Variants in WASF2 observed in about 807,000 individuals in gnomAD.
WASF2 encodes actin-binding protein WASF2.
Under a neutral mutation model 45.0 loss-of-function variants are expected in WASF2, and 14 were observed. The observed-to-expected ratio is 0.31, with a 90% confidence interval of 0.21 to 0.49. WASF2 has a LOEUF of 0.49. Ranked by LOEUF, WASF2 falls within the 20% of genes least tolerant of loss-of-function variation. WASF2 has a pLI of 0.99. For missense variants in WASF2, 439 were observed against 636.1 expected (o/e 0.69, Z 3.33); for synonymous variants, 200 against 236.3 (o/e 0.85, Z 1.41).
chr1:27,469,738 T>TA (rs1460181001), intron 1 of WASF2, among the ~76,000 whole-genome samples: 2 of 152,230 alleles, frequency 1.3e-5, no homozygotes, highest in Non-Finnish European at 1.5e-5. Context: ...GGTCAGGAAT[T>TA]AGAGACCAGC....
At chr1:27,438,729 GACCTAGCAATC>G (rs1268667323) in intron 1 of WASF2, among the ~76,000 whole-genome samples, 1 of 152,244 alleles carries the variant, frequency 6.6e-6, no homozygotes, top group Non-Finnish European at 1.5e-5. Flanking sequence ...TGAGGAGAGA[GACCTAGCAATC>G]ACAACTACAT....
chr1:27,432,563 G>A (rs2017080156), intron 1 of WASF2, among the ~76,000 whole-genome samples: 1 of 143,812 alleles, frequency 7.0e-6, no homozygotes, highest in African/African-American at 2.5e-5. Context: ...CAGGAGAATG[G>A]TGTGAACCTG....
At chr1:27,440,459 C>CT (rs1419672866) in intron 1 of WASF2, among the ~76,000 whole-genome samples, 2 of 151,626 alleles carry the variant, frequency 1.3e-5, no homozygotes, top group Non-Finnish European at 2.9e-5. Flanking sequence ...GAGGTCGAGG[C>CT]TGCAGTGAGC....
At chr1:27,433,281 A>T (rs2017091169) in intron 1 of WASF2, among the ~76,000 whole-genome samples, 1 of 152,170 alleles carries the variant, frequency 6.6e-6, no homozygotes, top group South Asian at 2.1e-4. Flanking sequence ...CATCTGAACC[A>T]CAGAACAAAA....
chr1:27,463,783 C>A (rs1455212849), intron 1 of WASF2, among the ~76,000 whole-genome samples: 1 of 150,618 alleles, frequency 6.6e-6, no homozygotes, highest in Non-Finnish European at 1.5e-5. Flanking sequence ...ATTAACATGC[C>A]TCCTTTATAT....
intron 2 of WASF2, among the ~76,000 whole-genome samples, chr1:27,422,404 G>C (rs1283406223): frequency 6.6e-6 from 1 of 151,826 alleles, no homozygotes; most frequent in Admixed American, 6.6e-5. Context: ...CGGATCACGA[G>C]GTCAGGAGAT....
At chr1:27,454,153 G>GTA (rs869245464) in intron 1 of WASF2, among the ~76,000 whole-genome samples, 19 of 98,694 alleles carry the variant, frequency 1.9e-4, no homozygotes, top group East Asian at 7.8e-4. Flanking sequence ...GTGTGTGTGT[G>GTA]TATATATATA....
At chr1:27,461,458 G>A (rs1219239846) in intron 1 of WASF2, among the ~76,000 whole-genome samples, 2 of 142,300 alleles carry the variant, frequency 1.4e-5, no homozygotes, top group Non-Finnish European at 3.0e-5. Flanking sequence ...TCCCACTTCA[G>A]CATTTTTTTT....
At chr1:27,477,004 G>C (rs1048686513) in intron 1 of WASF2, among the ~76,000 whole-genome samples, 3 of 152,154 alleles carry the variant, frequency 2.0e-5, no homozygotes, top group African/African-American at 7.2e-5. Context: ...AAAGTCCCTA[G>C]ACTGTACCCT....
intron 2 of WASF2, among the ~76,000 whole-genome samples, chr1:27,423,846 G>C (rs1326770614): frequency 6.6e-6 from 1 of 152,194 alleles, no homozygotes; most frequent in Non-Finnish European, 1.5e-5. Context: ...ATTGAAGTCT[G>C]AGTGGGAGTC....
chr1:27,450,663 C>T (rs2017372858), intron 1 of WASF2, among the ~76,000 whole-genome samples: 2 of 152,046 alleles, frequency 1.3e-5, no homozygotes, highest in South Asian at 4.1e-4. Context: ...CCACGCCTGG[C>T]TAATTTTGTA....
chr1:27,470,569 C>A (rs2017674899), intron 1 of WASF2, among the ~76,000 whole-genome samples: 1 of 150,234 alleles, frequency 6.7e-6, no homozygotes, highest in Non-Finnish European at 1.5e-5. Flanking sequence ...CAGACCTATA[C>A]CAGCCCTGAA....
intron 1 of WASF2, among the ~76,000 whole-genome samples, chr1:27,433,533 T>C (rs553334436): frequency 2.6e-4 from 40 of 152,322 alleles, no homozygotes; most frequent in African/African-American, 9.1e-4. Context: ...AGGGTCACAT[T>C]TGCATTTTAG....
At chr1:27,424,175 T>A (rs967856198) in intron 2 of WASF2, among the ~76,000 whole-genome samples, 1 of 152,194 alleles carries the variant, frequency 6.6e-6, no homozygotes, top group South Asian at 2.1e-4. Flanking sequence ...AATTGAGAAG[T>A]TCCACCCAGG....
At chr1:27,476,970 G>A (rs2017774422) in intron 1 of WASF2, among the ~76,000 whole-genome samples, 2 of 152,154 alleles carry the variant, frequency 1.3e-5, no homozygotes, top group African/African-American at 4.8e-5. Context: ...AAAACTACCT[G>A]TTTTAACATA....
At chr1:27,436,318 C>T (rs1408984808) in intron 1 of WASF2, among the ~76,000 whole-genome samples, 1 of 151,952 alleles carries the variant, frequency 6.6e-6, no homozygotes, top group South Asian at 2.1e-4. Flanking sequence ...TAGTGGCATG[C>T]GGCTGTAGTC....
intron 1 of WASF2, among the ~76,000 whole-genome samples, chr1:27,462,965 G>A (rs1333816644): frequency 6.6e-6 from 1 of 151,952 alleles, no homozygotes; most frequent in African/African-American, 2.4e-5. Context: ...GATTACAGGT[G>A]CGCGCCACCA....
chr1:27,458,388 C>A (rs1483733672), intron 1 of WASF2, among the ~76,000 whole-genome samples: 1 of 147,278 alleles, frequency 6.8e-6, no homozygotes, highest in Non-Finnish European at 1.5e-5. Flanking sequence ...TAATTCAAGG[C>A]AAATAGGTAT....
At chr1:27,453,568 G>T (rs2017414004) in intron 1 of WASF2, among the ~76,000 whole-genome samples, 1 of 147,426 alleles carries the variant, frequency 6.8e-6, no homozygotes, top group Admixed American at 6.8e-5. Context: ...CTCCAACCTG[G>T]GTGACAGAGC....
Sources: allele counts gnomAD v4.1 joint callset (sites outside exome capture counted in the v4.1 genomes callset), GRCh38; gene constraint gnomAD v4.1.1; transcripts MANE v1.5; gene names NCBI Gene and HGNC (gene_info 2026-07-23, HGNC 2026-07-21).